Variants in TPRA1 observed in about 807,000 individuals in gnomAD.
TPRA1 encodes transmembrane protein adipocyte-associated 1.
Under a neutral mutation model 40.1 loss-of-function variants are expected in TPRA1, and 28 were observed. That is an observed-to-expected ratio of 0.70 (90% CI 0.52 to 0.96). The LOEUF is 0.96. TPRA1 is among the 40% of genes least tolerant of loss of function. The pLI is 0.00. For synonymous variants in TPRA1, 219 were observed against 209.7 expected (o/e 1.04, Z -0.38); for missense variants, 441 against 482.6 (o/e 0.91, Z 0.81).
intron 1 of TPRA1, among the ~76,000 whole-genome samples, chr3:127,584,094 CCAA>C (rs1192129958): frequency 6.6e-6 from 1 of 150,936 alleles, no homozygotes; most frequent in Non-Finnish European, 1.5e-5. Flanking sequence ...CAAGGTGAAG[CCAA>C]CAACAAGCAT....
Position 127,580,069 on chromosome 3 carries a change from C to T in TPRA1, c.78G>A (p.Val26=), listed in dbSNP as rs759941697. ...AGAGCAGCAGCAGGCAGCGATGAGG[C>T]ACACTGATGTTTGGTGCCAGGGGTG... The part of the protein sequence containing the change: ...LPPPLAPNIS[V]PHRCLLLLYE... The change falls in exon 2 of 11, where the codon GTG becomes GTA. Residue 26 remains valine, a synonymous_variant. Coordinates refer to ENST00000355552, the MANE Select transcript of TPRA1 (RefSeq NM_001136053.4). 1.9e-6 allele frequency: 3 copies of T among 1,613,960 alleles called. No individual in the cohort carries two copies. Among genetic ancestry groups the T allele is most frequent in the Non-Finnish European group, 2.5e-6 (3 of 1,180,022 alleles).
At chr3:127,592,457 C>T (rs368895207), upstream of TPRA1, among the ~76,000 whole-genome samples, 3 of 143,998 alleles carry the variant, frequency 2.1e-5, no homozygotes, top group East Asian at 2.2e-4. Flanking sequence ...GCAATCTCGG[C>T]TCACTGCAAG....
intron 1 of TPRA1, chr3:127,580,427 A>C: frequency 1.0e-4 from 40 of 401,206 alleles, no homozygotes; most frequent in East Asian, 3.0e-4. Flanking sequence ...AAGCATCTCC[A>C]TGTGCAAGGC....
chr3:127,577,541 A>C (rs903457891), intron 3 of TPRA1, among the ~76,000 whole-genome samples: 8 of 152,098 alleles, frequency 5.3e-5, no homozygotes, highest in Non-Finnish European at 1.0e-4. Flanking sequence ...GGAAGGGCCA[A>C]GTATACATTT....
chr3:127,575,561 C>A (rs2073582291), intron 8 of TPRA1, 56 bp from the exon 9 acceptor site: 1 of 1,474,736 alleles, frequency 6.8e-7, no homozygotes, highest in Non-Finnish European at 9.1e-7. Context: ...CCAGGCTCTG[C>A]CTCCAGCACC....
rs2073396874 is a variant in TPRA1 at position 127,572,242 on chromosome 3, G to A, written c.*1279C>T. Among the ~76,000 whole-genome samples the A allele has an allele frequency of 6.6e-6, 1 of 152,204 alleles. No individual in the cohort carries two copies. The highest frequency in any genetic ancestry group is 1.5e-5 in the Non-Finnish European group (1 of 68,040). Reference sequence around the variant, plus strand: ...CCCCATTCCCCCCTAAAAAAAAAAGGCTGATCGCGGAGGCGGGCAACAGCC... The same window carrying A: ...CCCCATTCCCCCCTAAAAAAAAAAGACTGATCGCGGAGGCGGGCAACAGCC... On this transcript the variant is annotated 3_prime_UTR_variant, in exon 11 of 11. Transcript: ENST00000355552.
rs1396728783 is a variant in TPRA1 at position 127,585,485 on chromosome 3, A to T, written c.-18+4925T>A. Reference sequence around the variant, plus strand: ...AGGGACTGAAGTGGAGGAGGAACAGAGACAGGGAGGCCATGAGGAGCTCCT... The same window carrying T: ...AGGGACTGAAGTGGAGGAGGAACAGTGACAGGGAGGCCATGAGGAGCTCCT... On this transcript the variant is annotated intron_variant, in intron 1 of 10. Transcript: ENST00000355552. Among the ~76,000 whole-genome samples, 4 of 152,200 alleles carry T rather than the reference A, an allele frequency of 2.6e-5. No homozygotes were observed. In the East Asian group the frequency reaches 7.7e-4, roughly 29 times the overall value.
In TPRA1 at chr3:127,580,176, G is replaced by C; in HGVS notation, c.-17-13C>G. On this transcript the variant is annotated splice_polypyrimidine_tract_variant and intron_variant, in intron 1 of 10. Coordinates refer to ENST00000355552, the MANE Select transcript of TPRA1 (RefSeq NM_001136053.4). ...CCAGCAGCCAGCCCTGGGGGAGTGA[G>C]AGCCGCCCAGTGAGCTGTGTGGCCT... 2 of 1,606,122 alleles carry C rather than the reference G, an allele frequency of 1.2e-6. No individual in the cohort carries two copies. The highest frequency in any genetic ancestry group is 1.7e-6 in the Non-Finnish European group (2 of 1,178,736).
Position 127,572,745 on chromosome 3 carries a change from C to T in TPRA1, c.*776G>A, listed in dbSNP as rs1367163209. Among the ~76,000 whole-genome samples, 5 of 152,210 alleles carry T rather than the reference C, an allele frequency of 3.3e-5. No individual in the cohort carries two copies. The highest frequency in any genetic ancestry group is 7.2e-5 in the African/African-American group (3 of 41,454). On this transcript the variant is annotated 3_prime_UTR_variant, in exon 11 of 11. Coordinates refer to ENST00000355552, the MANE Select transcript of TPRA1 (RefSeq NM_001136053.4). Reference sequence around the variant, plus strand: ...AGATGGCAATAGTAAGTCCATTCTGCGTTTTAATGGAGCTGAGCAGAGAGA... The same window carrying T: ...AGATGGCAATAGTAAGTCCATTCTGTGTTTTAATGGAGCTGAGCAGAGAGA...
At position 127,575,504 on chromosome 3, in the gene TPRA1, A is replaced by G. The variant is rs1251472928; in HGVS notation, c.672T>C (p.Ser224=). The part of the protein sequence containing the change: ...TPLKERISLP[S]RRSFYVYAGI... ...CCGCATACACGTAGAAGCTCCTCCG[A>G]GCTGGGGGCCGGACAGGGTGGGTCG... Residue 224 remains serine, a splice_region_variant and synonymous_variant, in exon 9 of 11, where the codon TCT becomes TCC. Coordinates refer to ENST00000355552, the MANE Select transcript of TPRA1 (RefSeq NM_001136053.4). 1.3e-6 allele frequency: 2 copies of G among 1,566,728 alleles called. No homozygotes were observed. The highest frequency in any genetic ancestry group is 1.2e-5 in the South Asian group (1 of 84,762).
At chr3:127,588,807 T>C (rs1056270315) in intron 1 of TPRA1, among the ~76,000 whole-genome samples, 2 of 152,190 alleles carry the variant, frequency 1.3e-5, no homozygotes, top group African/African-American at 4.8e-5. Context: ...CACTTAACAA[T>C]GGCATCGCCT....
At chr3:127,584,606 T>G (rs1040079935) in intron 1 of TPRA1, among the ~76,000 whole-genome samples, 2 of 151,974 alleles carry the variant, frequency 1.3e-5, no homozygotes, top group African/African-American at 4.8e-5. Flanking sequence ...ATGGAACCAA[T>G]GGAGTTTAGC....
At chr3:127,594,268 T>C (rs1385759415), upstream of TPRA1, among the ~76,000 whole-genome samples, 1 of 152,172 alleles carries the variant, frequency 6.6e-6, no homozygotes, top group Non-Finnish European at 1.5e-5. Flanking sequence ...ATTCCACACC[T>C]GGGAGTGCTG....
chr3:127,576,542 C>T lies in TPRA1; in HGVS notation c.498+75G>A. The stretch of plus-strand genomic sequence containing the variant: ...TCTGAAGGTGATAAAGACTGGAAAC[C>T]TGACCCAGACCCAGAAGCAGTGGGT... On this transcript the variant is annotated intron_variant, in intron 6 of 10. Transcript: ENST00000355552. This position sits in a 1 kb window ranked among gnomAD's most constrained non-coding sequence, Gnocchi z 4.6. The T allele has an allele frequency of 7.0e-7, 1 of 1,426,156 alleles. No homozygotes were observed. The highest frequency in any genetic ancestry group is 2.5e-5 in the East Asian group (1 of 39,924). The allele number at this position is 1,426,156 out of a possible 1,614,324, so 88.3% of individuals were successfully genotyped here. A position where few individuals can be genotyped will look rare whatever the true frequency, so the allele number is the denominator to read the frequency against.
At chr3:127,591,743 C>A (rs997047289), upstream of TPRA1, 2 of 152,278 alleles carry the variant, frequency 1.3e-5, no homozygotes, top group African/African-American at 2.4e-5. Flanking sequence ...CGTCCAGTCT[C>A]CCCACCCTAT....
chr3:127,585,455 T>A (rs2073971289), intron 1 of TPRA1, among the ~76,000 whole-genome samples: 1 of 151,882 alleles, frequency 6.6e-6, no homozygotes, highest in South Asian at 2.1e-4. Context: ...AGGATGCCAG[T>A]GAAAAGGGAC....
At chr3:127,577,703 G>A (rs776152266) in intron 3 of TPRA1, among the ~76,000 whole-genome samples, 1 of 152,068 alleles carries the variant, frequency 6.6e-6, no homozygotes, top group African/African-American at 2.4e-5. Context: ...TATCGGCCTG[G>A]TATATCCATC....
At chr3:127,582,219 C>G (rs774200997) in intron 1 of TPRA1, among the ~76,000 whole-genome samples, 3 of 152,174 alleles carry the variant, frequency 2.0e-5, no homozygotes, top group Non-Finnish European at 4.4e-5. Context: ...TGGGCTGGGG[C>G]TCAGGTTGCT....
intron 1 of TPRA1, among the ~76,000 whole-genome samples, chr3:127,588,760 T>C (rs546224823): frequency 6.6e-6 from 1 of 152,334 alleles, no homozygotes; most frequent in East Asian, 1.9e-4. Flanking sequence ...ACTTCCTATG[T>C]GCAGACATGG....
Sources: gnomAD v4.1 joint callset for allele counts (sites outside exome capture counted in the v4.1 genomes callset) on GRCh38, gnomAD v4.1.1 for gene constraint, Gnocchi (gnomAD v3.1) non-coding constraint, MANE v1.5 for transcripts, NCBI Gene and HGNC (gene_info 2026-07-23, HGNC 2026-07-21) for gene names.